ZBTB44: variants seen among roughly 807,000 people sequenced by gnomAD.
ZBTB44 encodes the protein zinc finger and BTB domain containing 44, also known as zinc finger and BTB domain-containing protein 44.
Under a neutral mutation model 54.0 loss-of-function variants are expected in ZBTB44, and 15 were observed. The ratio of observed to expected loss-of-function variants is 0.28; its 90% CI spans 0.19 to 0.43. The LOEUF is 0.43. ZBTB44 is among the 20% of genes least tolerant of loss of function. The pLI is 1.00. For synonymous variants in ZBTB44, 230 were observed against 250.1 expected (o/e 0.92, Z 0.76); for missense variants, 487 against 707.1 (o/e 0.69, Z 3.53).
intron 2 of ZBTB44, among the ~76,000 whole-genome samples, chr11:130,255,898 C>T (rs1425269848): frequency 1.1e-5 from 1 of 93,410 alleles, no homozygotes; most frequent in Non-Finnish European, 2.1e-5. Flanking sequence ...GGCAAAACCT[C>T]AAAAAAAAAA....
At chr11:130,297,001 A>C (rs1941693064) in intron 1 of ZBTB44, 1 of 739,328 alleles carries the variant, frequency 1.4e-6, no homozygotes, top group African/African-American at 1.8e-5. Context: ...GAGAAGTCCA[A>C]AATCTTTAAA....
chr11:130,266,110 C>A (rs1406665277), intron 1 of ZBTB44, among the ~76,000 whole-genome samples: 1 of 152,210 alleles, frequency 6.6e-6, no homozygotes, highest in African/African-American at 2.4e-5. Context: ...TTGTAAGCGG[C>A]TAATGCAGCT....
chr11:130,238,609 T>TA lies in ZBTB44; in HGVS notation c.1104-3dup, dbSNP rs745423647. 1.2e-4 allele frequency: 188 copies of TA among 1,605,662 alleles called. No individual in the cohort carries two copies. The highest frequency in any genetic ancestry group is 7.6e-4 in the Admixed American group (44 of 58,258). On this transcript the variant is annotated splice_polypyrimidine_tract_variant and splice_region_variant and intron_variant, in intron 3 of 7. Transcript: ENST00000357899. ...TAGGGATACTGAACATTTTCCAATC[T>TA]AAAAAAAACAGACCAAAGAAGGCAA...
At chr11:130,245,617 C>G (rs1193457960) in intron 2 of ZBTB44, among the ~76,000 whole-genome samples, 3 of 150,166 alleles carry the variant, frequency 2.0e-5, no homozygotes, top group African/African-American at 2.5e-5. Flanking sequence ...TCACTATCAG[C>G]TTGTGATAAG....
chr11:130,270,821 T>A (rs1939613420), intron 1 of ZBTB44, among the ~76,000 whole-genome samples: 1 of 152,192 alleles, frequency 6.6e-6, no homozygotes, highest in Admixed American at 6.5e-5. Flanking sequence ...GAAAGAAATG[T>A]TTCAATTTTG....
chr11:130,291,006 T>A (rs1230649926), intron 1 of ZBTB44, among the ~76,000 whole-genome samples: 1 of 152,230 alleles, frequency 6.6e-6, no homozygotes, highest in African/African-American at 2.4e-5. Context: ...TCATTTTCCA[T>A]ATGTATCATA....
chr11:130,298,415 G>A, intron 1 of ZBTB44, among the ~76,000 whole-genome samples: 1 of 148,968 alleles, frequency 6.7e-6, no homozygotes, highest in East Asian at 2.0e-4. Flanking sequence ...AAAGTGCTGA[G>A]ATTACAGGTG....
At chr11:130,281,645 A>T (rs2134275038) in intron 1 of ZBTB44, among the ~76,000 whole-genome samples, 1 of 151,974 alleles carries the variant, frequency 6.6e-6, no homozygotes, top group African/African-American at 2.4e-5. Context: ...CCCCGGCTAG[A>T]GTGCAGTGGT....
At chr11:130,312,906 T>C (rs959720172) in intron 1 of ZBTB44, among the ~76,000 whole-genome samples, 1 of 152,214 alleles carries the variant, frequency 6.6e-6, no homozygotes, top group Non-Finnish European at 1.5e-5. Context: ...AGGATTACAG[T>C]GTTTGCAGCT....
intron 1 of ZBTB44, among the ~76,000 whole-genome samples, chr11:130,313,962 A>AT (rs1251130348): frequency 2.2e-5 from 3 of 133,704 alleles, no homozygotes; most frequent in African/African-American, 8.7e-5. Context: ...ATATATATAT[A>AT]TATATTTTTT....
Position 130,307,071 on chromosome 11 carries a change from C to CAA in ZBTB44, c.-57+7302_-57+7303dup, listed in dbSNP as rs201177615. Among the ~76,000 whole-genome samples, 64 of 134,486 alleles carry CAA rather than the reference C, an allele frequency of 4.8e-4. 1 individual carries two copies. Among genetic ancestry groups the CAA allele is most frequent in the Admixed American group, 4.6e-3 (61 of 13,370 alleles). The allele number at this position is 134,486 out of a possible 152,430, so 88.2% of individuals were successfully genotyped here. On this transcript the variant is annotated intron_variant, in intron 1 of 7. Transcript: ENST00000357899. ...AAAAAAAAAAAAATCAAAGAACAAG[C>CAA]AAAAAAAAAAAAAATTATAGTTGAA...
intron 1 of ZBTB44, among the ~76,000 whole-genome samples, chr11:130,312,461 AC>A (rs1394402554): frequency 3.3e-5 from 5 of 152,236 alleles, no homozygotes; most frequent in African/African-American, 1.2e-4. Flanking sequence ...AGGAAGTTTT[AC>A]TTTAAGCTAA....
At chr11:130,241,013 CTT>C (rs2136297531) in intron 2 of ZBTB44, among the ~76,000 whole-genome samples, 1 of 152,320 alleles carries the variant, frequency 6.6e-6, no homozygotes, top group South Asian at 2.1e-4. Flanking sequence ...TATATGTATT[CTT>C]TTGTCTTGCT....
intron 1 of ZBTB44, among the ~76,000 whole-genome samples, chr11:130,264,963 A>G (rs889586889): frequency 6.6e-6 from 1 of 152,014 alleles, no homozygotes; most frequent in Non-Finnish European, 1.5e-5. Flanking sequence ...CATTATTATT[A>G]TATCTGTTAT....
rs185008937 is a variant in ZBTB44, at chr11:130,274,862, C to T, written c.-56-12933G>A. Among the ~76,000 whole-genome samples the T allele has an allele frequency of 9.2e-5, 14 of 152,208 alleles. No homozygotes were observed. The East Asian group carries it at 2.7e-3, about 29-fold the overall frequency. Reference sequence around the variant, plus strand: ...TCTGGCTTTATTGTCAGGGTAAATACCAGCCACATAAAATGATATGGGAAC... The same window carrying T: ...TCTGGCTTTATTGTCAGGGTAAATATCAGCCACATAAAATGATATGGGAAC... On this transcript the variant is annotated intron_variant, in intron 1 of 7. Coordinates refer to ENST00000357899, the MANE Select transcript of ZBTB44 (RefSeq NM_001301098.2).
intron 1 of ZBTB44, among the ~76,000 whole-genome samples, chr11:130,276,442 C>CT (rs1167976092): frequency 1.2e-3 from 173 of 138,582 alleles, no homozygotes; most frequent in East Asian, 6.8e-3. Context: ...TTTTTTTTTT[C>CT]TTTTTTTTTT....
chr11:130,301,556 T>C (rs577499006), intron 1 of ZBTB44, among the ~76,000 whole-genome samples: 2 of 152,072 alleles, frequency 1.3e-5, no homozygotes, highest in East Asian at 1.9e-4. Context: ...CCCAGCTACT[T>C]GGGAGGCTGA....
At chr11:130,286,833 T>C (rs1940995661) in intron 1 of ZBTB44, among the ~76,000 whole-genome samples, 1 of 152,192 alleles carries the variant, frequency 6.6e-6, no homozygotes. Flanking sequence ...TTCTGAGGAC[T>C]GTCATACAGA....
At chr11:130,238,109 A>G (rs1954191497) in intron 4 of ZBTB44, among the ~76,000 whole-genome samples, 1 of 152,218 alleles carries the variant, frequency 6.6e-6, no homozygotes, top group African/African-American at 2.4e-5. Flanking sequence ...AGCACAAAGA[A>G]CACCCATACA....
Sources: gnomAD v4.1 joint callset for allele counts (sites outside exome capture counted in the v4.1 genomes callset) on GRCh38, gnomAD v4.1.1 for gene constraint, MANE v1.5 for transcripts, NCBI Gene and HGNC (gene_info 2026-07-23, HGNC 2026-07-21) for gene names.